Variants in MNAT1 observed in about 807,000 individuals in gnomAD.
MNAT1 encodes MNAT1 component of CDK activating kinase.
MNAT1 carries 43 observed loss-of-function variants against 42.0 expected under a neutral mutation model. The ratio of observed to expected loss-of-function variants is 1.02; its 90% CI spans 0.80 to 1.32. MNAT1 has a LOEUF of 1.32. Among genes scored for constraint, MNAT1 ranks in the 40% most tolerant of loss-of-function variants. MNAT1 has a pLI of 0.00. For synonymous variants in MNAT1, 118 were observed against 120.0 expected, an observed-to-expected ratio of 0.98 and a Z score of 0.11; for missense variants, 306 against 350.4, an observed-to-expected ratio of 0.87 and a Z score of 1.01.
chr14:60,748,284 G>T (rs188514339), intron 1 of MNAT1, among the ~76,000 whole-genome samples: 3 of 152,074 alleles, frequency 2.0e-5, no homozygotes, highest in Admixed American at 1.3e-4. Flanking sequence ...AGGCTGGAGT[G>T]CAGGGGCATG....
chr14:60,948,153 G>A (rs1226293585), intron 7 of MNAT1, among the ~76,000 whole-genome samples: 1 of 152,162 alleles, frequency 6.6e-6, no homozygotes, highest in Non-Finnish European at 1.5e-5. Context: ...TGAAGGGGCT[G>A]AGCATGGTGA....
chr14:60,764,283 G>A (rs998093041), intron 1 of MNAT1, among the ~76,000 whole-genome samples: 4 of 152,184 alleles, frequency 2.6e-5, no homozygotes, highest in African/African-American at 4.8e-5. Context: ...ATATACTTAT[G>A]TACTTAAAAT....
At chr14:60,789,250 A>G (rs1250696625) in intron 1 of MNAT1, among the ~76,000 whole-genome samples, 1 of 152,152 alleles carries the variant, frequency 6.6e-6, no homozygotes, top group South Asian at 2.1e-4. Context: ...TACATACAAC[A>G]TTTATTAAGT....
intron 7 of MNAT1, among the ~76,000 whole-genome samples, chr14:60,922,603 G>A (rs2139555290): frequency 6.6e-6 from 1 of 152,074 alleles, no homozygotes; most frequent in South Asian, 2.1e-4. Flanking sequence ...AGGAAATCAG[G>A]GATCTCTACA....
chr14:60,863,274 T>A (rs988163325), intron 6 of MNAT1, among the ~76,000 whole-genome samples: 1 of 152,160 alleles, frequency 6.6e-6, no homozygotes, highest in Non-Finnish European at 1.5e-5. Flanking sequence ...ATGCATAGCT[T>A]ACCTGGGGTT....
rs3081651 is a variant in MNAT1 at position 60,904,976 on chromosome 14, C to CTTTTTTTTTTTTTTTTTT, written c.809+25158_809+25159insTTTTTTTTTTTTTTTTTT. 7.2e-4 allele frequency among the ~76,000 whole-genome samples: 57 copies of CTTTTTTTTTTTTTTTTTT among 78,998 alleles called. 13 individuals are homozygous for CTTTTTTTTTTTTTTTTTT. Among genetic ancestry groups the CTTTTTTTTTTTTTTTTTT allele is most frequent in the African/African-American group, 1.5e-3 (33 of 22,458 alleles). The allele number at this position is 78,998 out of a possible 152,430, so 51.8% of individuals were successfully genotyped here. On this transcript the variant is annotated intron_variant, in intron 7 of 7. Coordinates refer to ENST00000261245, the MANE Select transcript of MNAT1 (RefSeq NM_002431.4). ...AAAACAATAGATTGTTCAGCAGTTCCTTTTTTTTTTTTTTTTTGGACGGAG... is the reference window on the plus strand; with the variant it reads ...AAAACAATAGATTGTTCAGCAGTTCCTTTTTTTTTTTTTTTTTTTTTTTTTTTTTTTTTTTGGACGGAG...
In MNAT1 at chr14:60,940,094, C is replaced by T. The variant is rs370180322; in HGVS notation, c.810-28135C>T. On this transcript the variant is annotated intron_variant, in intron 7 of 7. Transcript: ENST00000261245. ...GTTTTCCATTTGTTTGGTAGATCTT[C>T]CTCCATCCCTTTATTTTGAGCTTAT... is the stretch of plus-strand genomic sequence containing the variant. 5.9e-5 allele frequency among the ~76,000 whole-genome samples: 9 copies of T among 152,246 alleles called. No homozygotes were observed. The South Asian group carries it at 1.9e-3, about 32-fold the overall frequency.
At chr14:60,910,483 T>C (rs968508334) in intron 7 of MNAT1, among the ~76,000 whole-genome samples, 1 of 152,202 alleles carries the variant, frequency 6.6e-6, no homozygotes, top group African/African-American at 2.4e-5. Context: ...GCTCTTATTA[T>C]TTTGAGATAT....
rs1481947639 is a variant in MNAT1 at position 60,794,979 on chromosome 14, CTT to C, written c.90-1236_90-1235del. 2.0e-5 allele frequency among the ~76,000 whole-genome samples: 3 copies of C among 151,962 alleles called. No individual in the cohort carries two copies. In the East Asian group the frequency reaches 5.8e-4, roughly 29 times the overall value. On this transcript the variant is annotated intron_variant, in intron 1 of 7. Transcript: ENST00000261245. ...GAGAACAAGATAGGCAACATTCTGT[CTT>C]TATGAAATATACTGTACTTCCTTGT... is the stretch of plus-strand genomic sequence containing the variant.
intron 7 of MNAT1, among the ~76,000 whole-genome samples, chr14:60,922,074 A>G (rs2035672827): frequency 2.0e-5 from 3 of 152,174 alleles, no homozygotes; most frequent in Admixed American, 2.0e-4. Context: ...TAAATGTCGG[A>G]AAAAAAGTAA....
At chr14:60,955,460 A>G (rs993348318) in intron 7 of MNAT1, among the ~76,000 whole-genome samples, 2 of 152,048 alleles carry the variant, frequency 1.3e-5, no homozygotes, top group African/African-American at 4.8e-5. Context: ...TCAGGAGTTG[A>G]AGACCAGCCT....
intron 1 of MNAT1, chr14:60,779,889 G>T (rs1484709472): frequency 1.3e-6 from 1 of 742,202 alleles, no homozygotes; most frequent in East Asian, 2.7e-5. Context: ...AACTCTTGGC[G>T]GGGAAGTGCT....
intron 1 of MNAT1, among the ~76,000 whole-genome samples, chr14:60,765,793 A>C (rs1409304174): frequency 6.6e-6 from 1 of 152,100 alleles, no homozygotes; most frequent in African/African-American, 2.4e-5. Flanking sequence ...CTGTGTTAAA[A>C]ATTTTGAGCT....
chr14:60,746,588 T>C (rs934080913), intron 1 of MNAT1, among the ~76,000 whole-genome samples: 4 of 151,402 alleles, frequency 2.6e-5, no homozygotes, highest in Admixed American at 6.6e-5. Context: ...AATAAAACTA[T>C]TCGTATTAGC....
At chr14:60,806,267 A>G (rs2032365501) in intron 3 of MNAT1, among the ~76,000 whole-genome samples, 1 of 152,230 alleles carries the variant, frequency 6.6e-6, no homozygotes, top group Non-Finnish European at 1.5e-5. Flanking sequence ...TTGTAACTGC[A>G]AAGTGTCTCA....
At chr14:60,754,352 T>G (rs1449233946) in intron 1 of MNAT1, among the ~76,000 whole-genome samples, 2 of 150,170 alleles carry the variant, frequency 1.3e-5, no homozygotes, top group Non-Finnish European at 3.0e-5. Flanking sequence ...TTTTTTTTTT[T>G]TTTTTTTGAG....
intron 3 of MNAT1, among the ~76,000 whole-genome samples, chr14:60,806,943 A>G (rs1330722687): frequency 6.6e-6 from 1 of 152,124 alleles, no homozygotes; most frequent in Non-Finnish European, 1.5e-5. Context: ...TCAGGACTAG[A>G]GTGTGATTTA....
At chr14:60,845,647 C>T (rs1015137544) in intron 6 of MNAT1, among the ~76,000 whole-genome samples, 16 of 152,084 alleles carry the variant, frequency 1.1e-4, no homozygotes, top group Non-Finnish European at 1.9e-4. Flanking sequence ...TAGTTTATCA[C>T]CTGCAGAAGA....
At chr14:60,880,988 T>C (rs1207855162) in intron 7 of MNAT1, among the ~76,000 whole-genome samples, 1 of 152,214 alleles carries the variant, frequency 6.6e-6, no homozygotes, top group Non-Finnish European at 1.5e-5. Flanking sequence ...TCTTATCTCT[T>C]ACAAAGAGCC....
Sources: allele counts gnomAD v4.1 joint callset (sites outside exome capture counted in the v4.1 genomes callset), GRCh38; gene constraint gnomAD v4.1.1; transcripts MANE v1.5; gene names NCBI Gene and HGNC (gene_info 2026-07-23, HGNC 2026-07-21).